The following ERBB4 variants were observed in gnomAD, a reference collection of about 807,000 sequenced individuals.
The protein encoded by ERBB4 is receptor tyrosine-protein kinase erbB-4.
In ERBB4, 42 loss-of-function variants were observed where a neutral mutation model predicts 158.0. The ratio of observed to expected loss-of-function variants is 0.27; its 90% CI spans 0.21 to 0.34. The LOEUF is 0.34. ERBB4 is among the 10% of genes least tolerant of loss of function. ERBB4 has a pLI of 1.00. For missense variants in ERBB4, 1,333 were observed against 1,624.1 expected (o/e 0.82, Z 3.08); for synonymous variants, 583 against 558.7 (o/e 1.04, Z -0.61).
intron 2 of ERBB4, among the ~76,000 whole-genome samples, chr2:211,982,095 CAAT>C (rs2081815939): frequency 6.6e-6 from 1 of 151,712 alleles, no homozygotes; most frequent in Middle Eastern, 3.2e-3. Flanking sequence ...TTGATAAAAA[CAAT>C]AAATAAATAT....
intron 2 of ERBB4, among the ~76,000 whole-genome samples, chr2:211,967,103 G>GTTT (rs914521327): frequency 3.7e-4 from 56 of 152,110 alleles, no homozygotes; most frequent in African/African-American, 1.3e-3. Context: ...ATGCCTGAAT[G>GTTT]TTTTTTTCTG....
chr2:212,206,881 C>T (rs1448012571), intron 1 of ERBB4, among the ~76,000 whole-genome samples: 3 of 151,920 alleles, frequency 2.0e-5, no homozygotes, highest in Non-Finnish European at 4.4e-5. Context: ...AGCCACCGCG[C>T]CCGGCCTAGT....
chr2:212,531,502 A>G (rs1325223559), intron 1 of ERBB4, among the ~76,000 whole-genome samples: 1 of 152,180 alleles, frequency 6.6e-6, no homozygotes, highest in Admixed American at 6.5e-5. Flanking sequence ...AGACCATAGA[A>G]ATTATCATTT....
At chr2:212,062,333 A>G (rs1164524291) in intron 2 of ERBB4, among the ~76,000 whole-genome samples, 2 of 149,536 alleles carry the variant, frequency 1.3e-5, no homozygotes, top group Non-Finnish European at 3.0e-5. Context: ...TGGAATCTTA[A>G]CTGTGCTGAC....
Position 211,973,571 on chromosome 2 carries a change from C to CA in ERBB4, c.235-25956dup, listed in dbSNP as rs1350245159. 4.0e-5 allele frequency among the ~76,000 whole-genome samples: 6 copies of CA among 151,880 alleles called. No homozygotes were observed. The East Asian group carries it at 1.2e-3, about 29-fold the overall frequency. On this transcript the variant is annotated intron_variant, in intron 2 of 27. Coordinates refer to ENST00000342788, the MANE Select transcript of ERBB4 (RefSeq NM_005235.3). Reference sequence around the variant, plus strand: ...GTCATAATGGCTATTATTAAAAAGTCAAAAAAATAACAGATGCTGGTGAGG... The same window carrying CA: ...GTCATAATGGCTATTATTAAAAAGTCAAAAAAAATAACAGATGCTGGTGAGG...
intron 3 of ERBB4, among the ~76,000 whole-genome samples, chr2:211,839,149 GAGA>G (rs1310825481): frequency 1.1e-5 from 1 of 89,178 alleles, no homozygotes; most frequent in Non-Finnish European, 2.2e-5. Context: ...GAGGGAGAGA[GAGA>G]AGGAGGAGGA....
At chr2:211,486,425 C>A (rs879385530) in intron 20 of ERBB4, among the ~76,000 whole-genome samples, 31 of 152,252 alleles carry the variant, frequency 2.0e-4, no homozygotes, top group African/African-American at 7.5e-4. Context: ...AACTTAAAGT[C>A]ATGGTAAATA....
intron 3 of ERBB4, among the ~76,000 whole-genome samples, chr2:211,878,652 G>GTTTTTTTTT (rs150312098): frequency 2.0e-5 from 2 of 99,146 alleles, no homozygotes; most frequent in Non-Finnish European, 2.0e-5. Context: ...GACAAATTAA[G>GTTTTTTTTT]TTTTGTTTTT....
chr2:211,585,090 T>C (rs1373710869), intron 19 of ERBB4, among the ~76,000 whole-genome samples: 3 of 151,988 alleles, frequency 2.0e-5, no homozygotes, highest in Admixed American at 6.6e-5. Context: ...CAGTGGCTCA[T>C]GCCTGTAATC....
intron 16 of ERBB4, among the ~76,000 whole-genome samples, chr2:211,651,395 C>G (rs1165794258): frequency 6.6e-6 from 1 of 151,906 alleles, no homozygotes; most frequent in Non-Finnish European, 1.5e-5. Flanking sequence ...GCTCAAGTAC[C>G]CAGGGTAGGC....
At chr2:211,614,644 TATA>T (rs1287101946) in intron 19 of ERBB4, among the ~76,000 whole-genome samples, 1 of 152,132 alleles carries the variant, frequency 6.6e-6, no homozygotes, top group African/African-American at 2.4e-5. Flanking sequence ...CATGAAATTT[TATA>T]ATGTGAAAAT....
chr2:211,409,684 T>C (rs1373312191), intron 25 of ERBB4, among the ~76,000 whole-genome samples: 1 of 152,236 alleles, frequency 6.6e-6, no homozygotes, highest in Admixed American at 6.5e-5. Context: ...CTCACTAAAC[T>C]TAAAGTCAAA....
intron 1 of ERBB4, among the ~76,000 whole-genome samples, chr2:212,295,028 C>G (rs10174395): frequency 0.53 from 81,264 of 151,938 alleles, 25,435 homozygotes; most frequent in East Asian, 0.83. Context: ...ATAGGGAGAA[C>G]CAGCTGGCCA....
At chr2:212,096,936 A>G (rs999343198) in intron 2 of ERBB4, among the ~76,000 whole-genome samples, 1 of 152,144 alleles carries the variant, frequency 6.6e-6, no homozygotes, top group Admixed American at 6.5e-5. Flanking sequence ...ATTATGTGCA[A>G]TATCTATTTG....
intron 3 of ERBB4, among the ~76,000 whole-genome samples, chr2:211,811,468 T>C (rs973209816): frequency 6.6e-6 from 1 of 152,084 alleles, no homozygotes; most frequent in Non-Finnish European, 1.5e-5. Flanking sequence ...ATTTCAACCT[T>C]GGTGAATCTG....
intron 20 of ERBB4, among the ~76,000 whole-genome samples, chr2:211,482,454 C>T (rs2065107143): frequency 6.6e-6 from 1 of 152,064 alleles, no homozygotes; most frequent in African/African-American, 2.4e-5. Flanking sequence ...AAAGTTACTT[C>T]CCAGGTAACT....
chr2:211,499,550 A>G (rs186151760), intron 20 of ERBB4, among the ~76,000 whole-genome samples: 16 of 152,132 alleles, frequency 1.1e-4, no homozygotes, highest in African/African-American at 3.6e-4. Context: ...AAAGCAAACA[A>G]ACAAACAAAA....
chr2:211,773,143 G>T (rs1453864757), intron 4 of ERBB4, among the ~76,000 whole-genome samples: 1 of 150,508 alleles, frequency 6.6e-6, no homozygotes, highest in Non-Finnish European at 1.5e-5. Flanking sequence ...AAGCAGTTGA[G>T]GGAGTGCCTA....
chr2:211,804,694 A>G (rs1185497903), intron 3 of ERBB4, among the ~76,000 whole-genome samples: 1 of 152,082 alleles, frequency 6.6e-6, no homozygotes, highest in Non-Finnish European at 1.5e-5. Context: ...ATCAAATTGG[A>G]GTCCAAGGTT....
Sources: allele counts gnomAD v4.1 joint callset (sites outside exome capture counted in the v4.1 genomes callset), GRCh38; gene constraint gnomAD v4.1.1; transcripts MANE v1.5; gene names NCBI Gene and HGNC (gene_info 2026-07-23, HGNC 2026-07-21).